The following IMMP2L variants were observed in gnomAD, a reference collection of about 807,000 sequenced individuals.
The protein encoded by IMMP2L is mitochondrial inner membrane protease subunit 2.
In IMMP2L, 18 loss-of-function variants were observed where a neutral mutation model predicts 19.3. That is an observed-to-expected ratio of 0.93 (90% CI 0.64 to 1.38). The LOEUF is 1.38. Among genes scored for constraint, IMMP2L ranks in the 40% most tolerant of loss-of-function variants. IMMP2L has a pLI of 0.00. For synonymous variants in IMMP2L, 76 were observed against 73.0 expected (o/e 1.04, Z -0.21); for missense variants, 233 against 218.2 (o/e 1.07, Z -0.43).
intron 3 of IMMP2L, among the ~76,000 whole-genome samples, chr7:110,978,292 T>C (rs562836066): frequency 1.2e-4 from 19 of 152,150 alleles, no homozygotes; most frequent in Admixed American, 9.8e-4. Context: ...TTTAAAATAC[T>C]CTGACTTAAT....
intron 3 of IMMP2L, among the ~76,000 whole-genome samples, chr7:111,084,000 T>C (rs1424206031): frequency 3.9e-5 from 6 of 152,090 alleles, no homozygotes; most frequent in African/African-American, 1.4e-4. Context: ...CAGTAAGAAG[T>C]AGGCTTGCTA....
chr7:110,704,009 C>T (rs1251620183), intron 5 of IMMP2L, among the ~76,000 whole-genome samples: 1 of 151,886 alleles, frequency 6.6e-6, no homozygotes, highest in South Asian at 2.1e-4. Flanking sequence ...CCACACCCGG[C>T]TAATTTTTTT....
chr7:110,842,419 CAG>C (rs2131457776), intron 5 of IMMP2L, among the ~76,000 whole-genome samples: 1 of 152,256 alleles, frequency 6.6e-6, no homozygotes, highest in East Asian at 1.9e-4. Context: ...CACAGGACAA[CAG>C]AGGCAGATTG....
chr7:110,953,084 T>A (rs545293549), intron 4 of IMMP2L, among the ~76,000 whole-genome samples: 1 of 152,238 alleles, frequency 6.6e-6, no homozygotes, highest in African/African-American at 2.4e-5. Flanking sequence ...CAGATAAACA[T>A]CTGATTCCTT....
chr7:111,385,212 C>T (rs184524142), intron 3 of IMMP2L, among the ~76,000 whole-genome samples: 61 of 152,234 alleles, frequency 4.0e-4, no homozygotes, highest in African/African-American at 1.4e-3. Flanking sequence ...GAAGGCCTCA[C>T]TGACAAGTGG....
chr7:110,838,066 A>G (rs1804684022), intron 5 of IMMP2L, among the ~76,000 whole-genome samples: 1 of 152,158 alleles, frequency 6.6e-6, no homozygotes, highest in African/African-American at 2.4e-5. Flanking sequence ...GGATTAAGAT[A>G]TGCATTTAAC....
intron 3 of IMMP2L, among the ~76,000 whole-genome samples, chr7:111,367,021 A>G (rs985031731): frequency 6.6e-6 from 1 of 151,768 alleles, no homozygotes; most frequent in African/African-American, 2.4e-5. Flanking sequence ...GCTTGAGGGG[A>G]AAAAAAGCAG....
chr7:111,084,619 A>G (rs1457019912), intron 3 of IMMP2L, among the ~76,000 whole-genome samples: 1 of 152,208 alleles, frequency 6.6e-6, no homozygotes, highest in African/African-American at 2.4e-5. Flanking sequence ...CAAGCCTAGG[A>G]TAAATACTTA....
At chr7:110,692,719 A>C (rs1313203372) in intron 5 of IMMP2L, among the ~76,000 whole-genome samples, 1 of 152,200 alleles carries the variant, frequency 6.6e-6, no homozygotes, top group African/African-American at 2.4e-5. Flanking sequence ...TCTAGGAGGA[A>C]TTACTATTCA....
chr7:111,231,024 C>CTGTGTGTG lies in IMMP2L; in HGVS notation c.239+256206_239+256213dup, dbSNP rs60629485. On this transcript the variant is annotated intron_variant, in intron 3 of 5. Transcript: ENST00000405709. ...TATGATGTAGGTAAATAAGTAGTGG[C>CTGTGTGTG]TGTGTGTGTGTGTGTGTGTGTGTGT... Among the ~76,000 whole-genome samples the CTGTGTGTG allele has an allele frequency of 4.1e-3, 601 of 147,078 alleles. 2 individuals carry two copies. Among genetic ancestry groups the CTGTGTGTG allele is most frequent in the African/African-American group, 8.3e-3 (333 of 40,024 alleles).
rs1299505220 is a variant in IMMP2L at position 111,016,828 on chromosome 7, TA to T, written c.240-53264del. On this transcript the variant is annotated intron_variant, in intron 3 of 5. Transcript: ENST00000405709. Reference sequence around the variant, plus strand: ...TATATACTATATATTATATATAATATATAGTATATATTATATATAATATATA... The same window carrying T: ...TATATACTATATATTATATATAATATTAGTATATATTATATATAATATATA... 5.8e-5 allele frequency among the ~76,000 whole-genome samples: 4 copies of T among 68,486 alleles called. No homozygotes were observed. The East Asian group carries it at 3.4e-3, about 58-fold the overall frequency. 44.9% of individuals were successfully genotyped at this position (68,486 alleles called of 152,430 possible).
intron 3 of IMMP2L, among the ~76,000 whole-genome samples, chr7:111,164,099 G>A (rs372968953): frequency 2.0e-5 from 3 of 150,750 alleles, no homozygotes; most frequent in Admixed American, 6.6e-5. Context: ...AAGTAGGAGA[G>A]GGGGAGGGAG....
chr7:110,972,218 A>T (rs115010991), intron 3 of IMMP2L, among the ~76,000 whole-genome samples: 1,989 of 152,050 alleles, frequency 0.013, 49 homozygotes, highest in African/African-American at 0.046. Flanking sequence ...AACTCAACTG[A>T]TCACCTCTAA....
At chr7:110,694,416 T>C (rs866195134) in intron 5 of IMMP2L, among the ~76,000 whole-genome samples, 2 of 149,126 alleles carry the variant, frequency 1.3e-5, no homozygotes, top group African/African-American at 4.9e-5. Context: ...ATATACATGA[T>C]ACAGAAAAAG....
At chr7:111,445,827 T>G (rs896455334) in intron 3 of IMMP2L, among the ~76,000 whole-genome samples, 5 of 152,088 alleles carry the variant, frequency 3.3e-5, no homozygotes, top group African/African-American at 1.2e-4. Context: ...TGCCAGACAG[T>G]GGGCGCAGGC....
intron 3 of IMMP2L, chr7:111,411,802 C>T (rs1213685085): frequency 9.9e-6 from 2 of 202,972 alleles, no homozygotes; most frequent in South Asian, 9.6e-5. Context: ...ATGAGCCAAT[C>T]GATGCCACCG....
intron 3 of IMMP2L, among the ~76,000 whole-genome samples, chr7:111,383,443 C>T (rs534153692): frequency 5.9e-5 from 9 of 152,194 alleles, no homozygotes; most frequent in Non-Finnish European, 1.3e-4. Flanking sequence ...CTCTACTCTG[C>T]TTCAGTGTCT....
At chr7:111,033,311 C>A (rs1717539614) in intron 3 of IMMP2L, among the ~76,000 whole-genome samples, 2 of 152,096 alleles carry the variant, frequency 1.3e-5, no homozygotes, top group South Asian at 4.1e-4. Context: ...ACCCAAAACA[C>A]TGACTACAGC....
chr7:110,852,765 A>G lies in IMMP2L; in HGVS notation c.408+33828T>C, dbSNP rs78198236. ...AATATTCATGGAGAATTGTCTTCCA[A>G]TAGAAACCCCGGCCACATAGAGAGC... On this transcript the variant is annotated intron_variant, in intron 5 of 5. Coordinates refer to ENST00000405709, the MANE Select transcript of IMMP2L (RefSeq NM_032549.4). Among the ~76,000 whole-genome samples, 321 of 152,168 alleles carry G rather than the reference A, an allele frequency of 2.1e-3. 7 individuals carry two copies. The East Asian group carries it at 0.032, about 15-fold the overall frequency.
Sources: allele counts gnomAD v4.1 joint callset (sites outside exome capture counted in the v4.1 genomes callset), GRCh38; gene constraint gnomAD v4.1.1; transcripts MANE v1.5; gene names NCBI Gene and HGNC (gene_info 2026-07-23, HGNC 2026-07-21).